The following KCNT2 variants were observed in gnomAD, a reference collection of about 807,000 sequenced individuals.
KCNT2 encodes the protein potassium channel subfamily T member 2.
KCNT2 carries 67 observed loss-of-function variants against 153.8 expected under a neutral mutation model. The ratio of observed to expected loss-of-function variants is 0.44; its 90% CI spans 0.36 to 0.53. The LOEUF is 0.53. Among genes scored for constraint, KCNT2 ranks in the 20% least tolerant of loss-of-function variants. The pLI is 0.00. For synonymous variants in KCNT2, 500 were observed against 458.8 expected (o/e 1.09, Z -1.15); for missense variants, 975 against 1,354.8 (o/e 0.72, Z 4.40).
intron 25 of KCNT2, among the ~76,000 whole-genome samples, chr1:196,262,336 G>A (rs899361235): frequency 2.6e-5 from 4 of 151,912 alleles, no homozygotes; most frequent in African/African-American, 9.7e-5. Flanking sequence ...TTGAAAATGA[G>A]TGTTTGTAAT....
At position 196,577,846 on chromosome 1, in the gene KCNT2, A is replaced by G. The variant is rs116334606; in HGVS notation, c.95+30369T>C. Among the ~76,000 whole-genome samples the G allele has an allele frequency of 4.9e-3, 743 of 152,306 alleles. 3 individuals carry two copies. Among genetic ancestry groups the G allele is most frequent in the African/African-American group, 0.016 (676 of 41,590 alleles). On this transcript the variant is annotated intron_variant, in intron 1 of 27. Coordinates refer to ENST00000294725, the MANE Select transcript of KCNT2 (RefSeq NM_198503.5). ...TCAAGAATATTTATGGAAATCCAAAATATCTGACAAAAAAGTAGAATTCAT... is the reference window on the plus strand; with the variant it reads ...TCAAGAATATTTATGGAAATCCAAAGTATCTGACAAAAAAGTAGAATTCAT...
chr1:196,236,767 G>A (rs1654478041), intron 26 of KCNT2, among the ~76,000 whole-genome samples: 1 of 151,432 alleles, frequency 6.6e-6, no homozygotes, highest in Non-Finnish European at 1.5e-5. Context: ...AACATCCTCA[G>A]GCTGCAAGTT....
intron 13 of KCNT2, among the ~76,000 whole-genome samples, chr1:196,395,631 A>G (rs1670874283): frequency 6.6e-6 from 1 of 151,574 alleles, no homozygotes; most frequent in Non-Finnish European, 1.5e-5. Flanking sequence ...TAAAGACTTG[A>G]AGAAGCCTGA....
intron 13 of KCNT2, among the ~76,000 whole-genome samples, chr1:196,383,632 G>A (rs566426738): frequency 2.6e-4 from 39 of 152,284 alleles, no homozygotes; most frequent in African/African-American, 8.9e-4. Flanking sequence ...ATCATCGGGA[G>A]TGATGACAGG....
At chr1:196,359,184 T>A (rs1379876698) in intron 14 of KCNT2, among the ~76,000 whole-genome samples, 2 of 151,998 alleles carry the variant, frequency 1.3e-5, no homozygotes, top group Non-Finnish European at 2.9e-5. Context: ...TGAATTAATA[T>A]TTGCCCTCTT....
At chr1:196,360,012 G>C (rs1171270878) in intron 14 of KCNT2, among the ~76,000 whole-genome samples, 1 of 151,770 alleles carries the variant, frequency 6.6e-6, no homozygotes, top group Non-Finnish European at 1.5e-5. Flanking sequence ...GCCAGACAAG[G>C]GTCAACATCC....
At chr1:196,535,797 T>A (rs757538370) in intron 1 of KCNT2, among the ~76,000 whole-genome samples, 2 of 152,204 alleles carry the variant, frequency 1.3e-5, no homozygotes, top group Non-Finnish European at 2.9e-5. Context: ...GGTAATTACA[T>A]CTTTTACAGA....
At chr1:196,421,359 CAA>C (rs1247236680) in intron 12 of KCNT2, among the ~76,000 whole-genome samples, 1 of 151,932 alleles carries the variant, frequency 6.6e-6, no homozygotes, top group Non-Finnish European at 1.5e-5. Context: ...TTTTGCTACA[CAA>C]AGATAGTACA....
intron 1 of KCNT2, among the ~76,000 whole-genome samples, chr1:196,540,643 T>G: frequency 6.6e-6 from 1 of 152,258 alleles, no homozygotes; most frequent in East Asian, 1.9e-4. Flanking sequence ...TCATAGTTGT[T>G]CAGTTCTACA....
At chr1:196,470,981 T>C (rs1210188257) in intron 5 of KCNT2, among the ~76,000 whole-genome samples, 2 of 149,300 alleles carry the variant, frequency 1.3e-5, no homozygotes, top group East Asian at 4.0e-4. Context: ...CCTGGGTTCA[T>C]GCCATTCTCC....
intron 13 of KCNT2, among the ~76,000 whole-genome samples, chr1:196,382,100 T>TTTATTTATTTATTTATTTATTTA (rs1669548716): frequency 6.6e-6 from 1 of 150,792 alleles, no homozygotes; most frequent in East Asian, 2.0e-4. Context: ...TATTTATTTA[T>TTTATTTATTTATTTATTTATTTA]TTATTTATTT....
intron 27 of KCNT2, among the ~76,000 whole-genome samples, chr1:196,231,574 T>A (rs184375383): frequency 1.1e-4 from 16 of 151,922 alleles, no homozygotes; most frequent in Admixed American, 1.1e-3. Context: ...AATTAGGAAC[T>A]GCTTTATTGT....
intron 5 of KCNT2, among the ~76,000 whole-genome samples, chr1:196,477,478 GT>G (rs1012411917): frequency 7.9e-5 from 12 of 152,024 alleles, no homozygotes; most frequent in African/African-American, 2.7e-4. Context: ...GTCTCAGCTA[GT>G]CAAGAGAGTA....
chr1:196,239,057 G>T (rs1411398834), intron 26 of KCNT2, among the ~76,000 whole-genome samples: 1 of 151,770 alleles, frequency 6.6e-6, no homozygotes, highest in Admixed American at 6.6e-5. Flanking sequence ...CTATGGCAAA[G>T]ATACAAATTA....
chr1:196,476,906 C>G (rs917622825), intron 5 of KCNT2, among the ~76,000 whole-genome samples: 1 of 152,114 alleles, frequency 6.6e-6, no homozygotes, highest in African/African-American at 2.4e-5. Flanking sequence ...TCCATTATAA[C>G]TGACCTATTG....
At chr1:196,593,388 T>C (rs1031437034) in intron 1 of KCNT2, among the ~76,000 whole-genome samples, 18 of 150,706 alleles carry the variant, frequency 1.2e-4, no homozygotes, top group Non-Finnish European at 2.5e-4. Context: ...CTTTATCCAC[T>C]CATTGATTGA....
chr1:196,333,931 G>A lies in KCNT2; in HGVS notation c.1913C>T (p.Thr638Ile), dbSNP rs777027605. ...SIAPVLEVADTSSIQTCDLLS... is the reference protein window; with the variant it reads ...SIAPVLEVADISSIQTCDLLS... Reference sequence around the variant, plus strand: ...AAGATCACATGTTTGAATCGATGATGTATCTGCAACCTCTAAAACAGGAGC... The same window carrying A: ...AAGATCACATGTTTGAATCGATGATATATCTGCAACCTCTAAAACAGGAGC... Residue 638 changes from threonine to isoleucine, a missense_variant, in exon 17 of 28, where the codon ACA becomes ATA. Thr to Ile is a moderately conservative substitution (Grantham distance 89, BLOSUM62 -1). This residue lies in a region of KCNT2 where 325 missense variants were observed against 388.1 expected (regional missense o/e 0.84). Coordinates refer to ENST00000294725, the MANE Select transcript of KCNT2 (RefSeq NM_198503.5). 1 of 1,612,296 alleles carries A rather than the reference G, an allele frequency of 6.2e-7. No individual in the cohort carries two copies. The highest frequency in any genetic ancestry group is 8.5e-7 in the Non-Finnish European group (1 of 1,178,672).
chr1:196,378,505 G>A (rs904936270), intron 13 of KCNT2, among the ~76,000 whole-genome samples: 3 of 151,840 alleles, frequency 2.0e-5, no homozygotes, highest in Non-Finnish European at 2.9e-5. Context: ...AATACTCCAA[G>A]TTTTAGTGGC....
intron 1 of KCNT2, among the ~76,000 whole-genome samples, chr1:196,555,404 G>A (rs559373060): frequency 6.6e-6 from 1 of 151,222 alleles, no homozygotes; most frequent in East Asian, 1.9e-4. Flanking sequence ...ATTTACAATA[G>A]TCACAAATAT....
Sources: allele counts gnomAD v4.1 joint callset (sites outside exome capture counted in the v4.1 genomes callset), GRCh38; gene constraint gnomAD v4.1.1; regional missense constraint gnomAD v4.1.1; transcripts MANE v1.5; gene names NCBI Gene and HGNC (gene_info 2026-07-23, HGNC 2026-07-21).